The following AMZ2 variants were observed in gnomAD, a reference collection of about 807,000 sequenced individuals.
AMZ2 encodes archaelysin family metallopeptidase 2, also known as archaemetzincin-2.
Under a neutral mutation model 36.7 loss-of-function variants are expected in AMZ2, and 26 were observed. That is an observed-to-expected ratio of 0.71 (90% CI 0.52 to 0.98). The LOEUF (loss-of-function observed/expected upper bound fraction) is 0.98. Ranked by LOEUF, AMZ2 falls within the 50% of genes least tolerant of loss-of-function variation. The probability of loss-of-function intolerance (pLI) is 0.00; values close to 1 mark genes in which losing one functional copy is unlikely to be tolerated. For missense variants in AMZ2, 394 were observed against 430.5 expected, an observed-to-expected ratio of 0.92 and a Z score of 0.75; for synonymous variants, 144 against 149.1, an observed-to-expected ratio of 0.97 and a Z score of 0.25.
chr17:68,216,614 G>C (rs2073200872), intron 1 of AMZ2, among the ~76,000 whole-genome samples: 1 of 152,276 alleles, frequency 6.6e-6, no homozygotes, highest in East Asian at 1.9e-4. Flanking sequence ...GTAGTCTATA[G>C]AGTTTTCAAA....
At chr17:68,223,630 C>T (rs1326684893) in intron 1 of AMZ2, among the ~76,000 whole-genome samples, 17 of 152,106 alleles carry the variant, frequency 1.1e-4, no homozygotes, top group Non-Finnish European at 2.4e-4. Flanking sequence ...ACCTCTGCCT[C>T]TCGGGTTCAA....
chr17:68,212,858 G>A (rs773357058), intron 1 of AMZ2, among the ~76,000 whole-genome samples: 1 of 152,016 alleles, frequency 6.6e-6, no homozygotes, highest in African/African-American at 2.4e-5. Flanking sequence ...GTGAGCCATC[G>A]CACCTGGCCA....
chr17:68,249,091 G>C (rs1211333909), intron 1 of AMZ2: 36 of 1,187,294 alleles, frequency 3.0e-5, no homozygotes, highest in Non-Finnish European at 3.6e-5. Context: ...GAAGAAACCT[G>C]TCATTGTGAG....
chr17:68,248,441 G>C lies in AMZ2; in HGVS notation c.-265G>C. 1.0e-6 allele frequency: 1 copy of C among 986,176 alleles called. No individual in the cohort carries two copies. The highest frequency in any genetic ancestry group is 1.2e-6 in the Non-Finnish European group (1 of 830,208). The allele number at this position is 986,176 out of a possible 1,614,324, so 61.1% of individuals were successfully genotyped here. A position where few individuals can be genotyped will look rare whatever the true frequency, so the allele number is the denominator to read the frequency against. On this transcript the variant is annotated 5_prime_UTR_variant, in exon 1 of 7. Transcript: ENST00000359904. ...CAGCCAGGGTGGCCAGCTCCTTCCC[G>C]TTTGCCCGTGATGTTCTGGTTTTGG...
intron 1 of AMZ2, among the ~76,000 whole-genome samples, chr17:68,241,624 G>A (rs12939487): frequency 0.031 from 4,762 of 152,172 alleles, 101 homozygotes; most frequent in Non-Finnish European, 0.054. Flanking sequence ...CCTATGGGGT[G>A]GGGACTATTA....
chr17:68,236,478 AAAAT>A (rs2144624224), intron 1 of AMZ2, among the ~76,000 whole-genome samples: 1 of 152,074 alleles, frequency 6.6e-6, no homozygotes, highest in East Asian at 1.9e-4. Flanking sequence ...TGCTCATTGC[AAAAT>A]AAATATTGCT....
intron 1 of AMZ2, among the ~76,000 whole-genome samples, chr17:68,213,227 C>T (rs1446618687): frequency 1.3e-5 from 2 of 152,176 alleles, no homozygotes; most frequent in Admixed American, 1.3e-4. Context: ...TTGCTGTGCA[C>T]GCTGAACGCC....
At chr17:68,232,622 C>T (rs1252380865) in intron 1 of AMZ2, among the ~76,000 whole-genome samples, 3 of 151,732 alleles carry the variant, frequency 2.0e-5, no homozygotes, top group Middle Eastern at 3.2e-3. Context: ...GTGGGTGGTT[C>T]GCTTGAAGTC....
At chr17:68,250,717 A>C (rs2074390124) in intron 2 of AMZ2, 77 bp from the exon 3 acceptor site, 3 of 1,368,746 alleles carry the variant, frequency 2.2e-6, no homozygotes, top group Non-Finnish European at 9.9e-7. Context: ...TCTAATTTGA[A>C]TCTTCTTACT....
At chr17:68,213,831 G>T (rs2073127725) in intron 1 of AMZ2, among the ~76,000 whole-genome samples, 1 of 150,950 alleles carries the variant, frequency 6.6e-6, no homozygotes. Flanking sequence ...TTCTTTTTGG[G>T]GTATTTGTAT....
intron 1 of AMZ2, among the ~76,000 whole-genome samples, chr17:68,223,714 G>GT (rs1568350431): frequency 3.4e-5 from 5 of 146,194 alleles, no homozygotes; most frequent in Non-Finnish European, 6.0e-5. Context: ...TAATTTTTTT[G>GT]TTGTTTGTTT....
intron 1 of AMZ2, among the ~76,000 whole-genome samples, chr17:68,208,172 C>T (rs543204463): frequency 1.9e-4 from 29 of 152,340 alleles, no homozygotes; most frequent in African/African-American, 6.0e-4. Flanking sequence ...CCAGTCCCAT[C>T]GACCACCCTA....
Position 68,250,594 on chromosome 17 carries a change from C to A in AMZ2, c.283+124C>A, listed in dbSNP as rs73998055. On this transcript the variant is annotated intron_variant, in intron 2 of 6. Coordinates refer to ENST00000359904, the MANE Select transcript of AMZ2 (RefSeq NM_016627.5). The stretch of plus-strand genomic sequence containing the variant: ...GGATCGTTTTTGATATTCATTGCGG[C>A]GGTACAAGTTTTGTAGCCAAACTGA... 3.7e-6 allele frequency: 5 copies of A among 1,340,328 alleles called. No homozygotes were observed. The African/African-American group carries it at 5.9e-5, about 16-fold the overall frequency. 83.0% of individuals were successfully genotyped at this position (1,340,328 alleles called of 1,614,324 possible).
At chr17:68,244,888 C>T (rs1486968506), upstream of AMZ2, among the ~76,000 whole-genome samples, 4 of 151,998 alleles carry the variant, frequency 2.6e-5, no homozygotes, top group African/African-American at 7.3e-5. Context: ...ATGGACCATT[C>T]GGGTTATATG....
chr17:68,245,412 T>C (rs1337540146), upstream of AMZ2, among the ~76,000 whole-genome samples: 1 of 151,050 alleles, frequency 6.6e-6, no homozygotes, highest in Non-Finnish European at 1.5e-5. Flanking sequence ...TTTTTTTTTT[T>C]CTTTTTTCTT....
At chr17:68,207,313 A>AAACCCCC (rs2072865347) in intron 1 of AMZ2, 3 of 110,654 alleles carry the variant, frequency 2.7e-5, no homozygotes, top group East Asian at 2.6e-4. Flanking sequence ...TTTGTTAAAT[A>AAACCCCC]CCCCCCCCCC....
chr17:68,237,739 A>G (rs552598067), intron 1 of AMZ2, among the ~76,000 whole-genome samples: 1 of 152,182 alleles, frequency 6.6e-6, no homozygotes, highest in South Asian at 2.1e-4. Flanking sequence ...TAAGGGCAAG[A>G]AGGCCTTTCC....
chr17:68,229,336 C>G (rs1442556259), intron 1 of AMZ2, among the ~76,000 whole-genome samples: 1 of 152,134 alleles, frequency 6.6e-6, no homozygotes, highest in Non-Finnish European at 1.5e-5. Flanking sequence ...TGTCCCCACA[C>G]CCACCCAGGA....
chr17:68,214,511 G>A (rs1220810987), intron 1 of AMZ2, among the ~76,000 whole-genome samples: 2 of 152,136 alleles, frequency 1.3e-5, no homozygotes, highest in Admixed American at 1.3e-4. Context: ...CCAGTCCAGG[G>A]AACCTCAGTT....
Sources: allele counts gnomAD v4.1 joint callset (sites outside exome capture counted in the v4.1 genomes callset), GRCh38; gene constraint gnomAD v4.1.1; transcripts MANE v1.5; gene names NCBI Gene and HGNC (gene_info 2026-07-23, HGNC 2026-07-21).